The following HTT variants were observed in gnomAD, a reference collection of about 807,000 sequenced individuals.
HTT encodes huntingtin.
Under a neutral mutation model 362.3 loss-of-function variants are expected in HTT, and 104 were observed. That is an observed-to-expected ratio of 0.29 (90% confidence interval 0.24 to 0.34). HTT has a LOEUF of 0.34. Ranked by LOEUF, HTT falls within the 10% of genes least tolerant of loss-of-function variation. The pLI is 1.00. For missense variants in HTT, 3,301 were observed against 3,928.6 expected (o/e 0.84, Z 4.27); for synonymous variants, 1,577 against 1,548.7 (o/e 1.02, Z -0.43).
At chr4:3,221,268 G>C (rs1457246285) in intron 53 of HTT, among the ~76,000 whole-genome samples, 4 of 152,158 alleles carry the variant, frequency 2.6e-5, no homozygotes, top group Admixed American at 6.5e-5. Flanking sequence ...TGTCCAAAGA[G>C]AGCCCTGAGC....
intron 2 of HTT, among the ~76,000 whole-genome samples, chr4:3,089,221 T>A (rs1454344572): frequency 6.6e-6 from 1 of 152,192 alleles, no homozygotes; most frequent in Non-Finnish European, 1.5e-5. Context: ...GCGTATCCCA[T>A]TGCGATGCCC....
chr4:3,220,381 C>G, intron 53 of HTT, 73 bp downstream of exon 53: 1 of 1,437,862 alleles, frequency 7.0e-7, no homozygotes, highest in Non-Finnish European at 9.6e-7. Context: ...GCCCCCAGTA[C>G]TGGGATCTTC....
chr4:3,238,970 C>T lies in HTT; in HGVS notation c.9207C>T (p.Val3069=), dbSNP rs745832191. ...TCAGCGCGTCCACCAGCCCGTGGGT[C>T]GCGGCGATGTATCCTCTCTGGGTCC... ...FFVSASTSPW[V]AAILPHVISR... The change falls in exon 66 of 67, where the codon GTC becomes GTT. Residue 3069 remains valine, a synonymous_variant. Coordinates refer to ENST00000355072, the MANE Select transcript of HTT (RefSeq NM_001388492.1). The T allele has an allele frequency of 8.7e-6, 14 of 1,605,150 alleles. No homozygotes were observed. Among genetic ancestry groups the T allele is most frequent in the South Asian group, 6.7e-5 (6 of 89,792 alleles).
intron 3 of HTT, 59 bp downstream of exon 3, chr4:3,099,453 G>A (rs1397356071): frequency 1.9e-6 from 3 of 1,602,544 alleles, no homozygotes; most frequent in Non-Finnish European, 2.6e-6. Flanking sequence ...GCTGAGAGAA[G>A]AAGCGATCAT....
At position 3,082,886 on chromosome 4, in the gene HTT, C is replaced by G. The variant is rs112954656; in HGVS notation, c.264-4053C>G. On this transcript the variant is annotated intron_variant, in intron 1 of 66. Transcript: ENST00000355072. ...ACTCGCTTAGATGAACTGGAAGGAC[C>G]CTTTCATCTGAGCAGCCACTATGGA... Among the ~76,000 whole-genome samples the G allele has an allele frequency of 1.6e-3, 240 of 152,190 alleles. 1 individual carries two copies. Among genetic ancestry groups the G allele is most frequent in the African/African-American group, 5.6e-3 (231 of 41,506 alleles).
intron 10 of HTT, among the ~76,000 whole-genome samples, chr4:3,123,702 A>G (rs1478298529): frequency 6.6e-6 from 1 of 152,046 alleles, no homozygotes; most frequent in Non-Finnish European, 1.5e-5. Context: ...AAAAAAAAAA[A>G]GTTTCCTTTG....
intron 2 of HTT, among the ~76,000 whole-genome samples, chr4:3,090,105 TA>T (rs1350825165): frequency 6.6e-6 from 1 of 152,246 alleles, no homozygotes; most frequent in Non-Finnish European, 1.5e-5. Context: ...AAAATATAAT[TA>T]AACTTTTGGA....
At chr4:3,095,220 A>C (rs556024692) in intron 2 of HTT, among the ~76,000 whole-genome samples, 1 of 152,308 alleles carries the variant, frequency 6.6e-6, no homozygotes, top group Non-Finnish European at 1.5e-5. Context: ...ACGCCACTGC[A>C]CTCCAGCCTG....
intron 3 of HTT, among the ~76,000 whole-genome samples, chr4:3,102,049 G>T (rs966646632): frequency 6.6e-6 from 1 of 152,198 alleles, no homozygotes; most frequent in Admixed American, 6.5e-5. Context: ...GAGAATTAGG[G>T]GCTCTTGAAG....
Position 3,220,273 on chromosome 4 carries a change from T to G in HTT, c.7334T>G (p.Val2445Gly), listed in dbSNP as rs1325363472. Residue 2445 changes from valine to glycine, a missense_variant, in exon 53 of 67, where the codon GTC becomes GGC. By Grantham distance (109) the Val-to-Gly change is moderately radical. Around this residue, in one of 4 missense-constraint regions of HTT, gnomAD observed 753 missense variants for 1,021.3 expected, o/e 0.74. Transcript: ENST00000355072. ...GTGGAGTTCCTCCAGGAAAAGGAAG[T>G]CTTTAAGGAGTTCATCTACCGCATC... The part of the protein sequence containing the change: ...IPVEFLQEKE[V>G]FKEFIYRINT... 6.2e-7 allele frequency: 1 copy of G among 1,614,070 alleles called. No individual in the cohort carries two copies. The highest frequency in any genetic ancestry group is 1.1e-5 in the South Asian group (1 of 91,072).
chr4:3,176,184 C>T (rs1332527677), intron 33 of HTT, among the ~76,000 whole-genome samples: 4 of 151,984 alleles, frequency 2.6e-5, no homozygotes, highest in East Asian at 1.9e-4. Flanking sequence ...CCCACCACTA[C>T]GCCAGGCTAA....
chr4:3,132,715 T>G lies in HTT; in HGVS notation c.2390T>G (p.Leu797Arg). 6.2e-7 allele frequency: 1 copy of G among 1,614,212 alleles called. No individual in the cohort carries two copies. The highest frequency in any genetic ancestry group is 8.5e-7 in the Non-Finnish European group (1 of 1,179,992). ...VGDWMGTIRT[L>R]TGNTFSLADC... ...GATTGGATGGGCACCATTAGAACCC[T>G]CACAGGTAACGGCCAGTTTTTCAGC... The change falls in exon 17 of 67, where the codon CTC becomes CGC. Residue 797 changes from leucine to arginine, a missense_variant. Coordinates refer to ENST00000355072, the MANE Select transcript of HTT (RefSeq NM_001388492.1).
rs1715967596 is a variant in HTT at position 3,134,432 on chromosome 4, A to G, written c.2525A>G (p.Tyr842Cys). Residue 842 changes from tyrosine to cysteine, a missense_variant, in exon 19 of 67, where the codon TAC becomes TGC. By Grantham distance (194) the Tyr-to-Cys change is radical. Transcript: ENST00000355072. ...NCVMSLCSSS[Y>C]SELGLQLIID... ...GTCATGAGTCTCTGCAGCAGCAGCT[A>G]CAGTGAGTTAGGACTGCAGCTGATC... 1.9e-6 allele frequency: 3 copies of G among 1,613,770 alleles called. No homozygotes were observed. Among genetic ancestry groups the G allele is most frequent in the Non-Finnish European group, 2.5e-6 (3 of 1,179,778 alleles).
intron 1 of HTT, among the ~76,000 whole-genome samples, chr4:3,078,204 A>G (rs1325315761): frequency 6.6e-6 from 1 of 152,178 alleles, no homozygotes; most frequent in African/African-American, 2.4e-5. Context: ...TCAGATTCCT[A>G]TCTGGTGTTT....
Position 3,080,094 on chromosome 4 carries a change from T to G in HTT, c.263+5006T>G, listed in dbSNP as rs927185958. Among the ~76,000 whole-genome samples the G allele has an allele frequency of 5.9e-5, 9 of 152,056 alleles. No homozygotes were observed. The South Asian group carries it at 6.2e-4, about 10-fold the overall frequency. On this transcript the variant is annotated intron_variant, in intron 1 of 66. Coordinates refer to ENST00000355072, the MANE Select transcript of HTT (RefSeq NM_001388492.1). ...ACAATAAGTTAAGGAACCCAGGCTC[T>G]TTCTTTTTTTTTTTTTTGAAACGGA...
chr4:3,159,272 C>T (rs537052043), intron 28 of HTT, among the ~76,000 whole-genome samples: 1 of 152,300 alleles, frequency 6.6e-6, no homozygotes, highest in African/African-American at 2.4e-5. Flanking sequence ...CATCTTAATT[C>T]TCATCTCATG....
Position 3,233,020 on chromosome 4 carries a change from G to A in HTT, c.8266-143G>A, listed in dbSNP as rs1721335384. 16 of 628,764 alleles carry A rather than the reference G, an allele frequency of 2.5e-5. No homozygotes were observed. The South Asian group carries it at 3.9e-4, about 15-fold the overall frequency. The allele number at this position is 628,764 out of a possible 1,614,324, so 38.9% of individuals were successfully genotyped here. A position where few individuals can be genotyped will look rare whatever the true frequency, so the allele number is the denominator to read the frequency against. On this transcript the variant is annotated intron_variant, in intron 60 of 66. Coordinates refer to ENST00000355072, the MANE Select transcript of HTT (RefSeq NM_001388492.1). ...AGCCAGGGGCCAGCCTTGCACACAG[G>A]CCTCTCAGGATGGTCTCCGGCCTGC...
intron 21 of HTT, among the ~76,000 whole-genome samples, chr4:3,139,353 A>C (rs1716228253): frequency 6.6e-6 from 1 of 152,090 alleles, no homozygotes; most frequent in Non-Finnish European, 1.5e-5. Flanking sequence ...GTGTGCCACC[A>C]TGCCCGGCTA....
In HTT at chr4:3,074,935, A is replaced by AGCCGCCGCCGCC. The variant is rs765098132; in HGVS notation, c.110_111insGCCGCCGCCGCC (p.Gln37_Gln38insProProProPro). The AGCCGCCGCCGCC allele has an allele frequency of 8.2e-7, 1 of 1,219,896 alleles. No homozygotes were observed. The highest frequency in any genetic ancestry group is 1.1e-6 in the Non-Finnish European group (1 of 919,470). 75.6% of individuals were successfully genotyped at this position (1,219,896 alleles called of 1,614,324 possible). A position where few individuals can be genotyped will look rare whatever the true frequency, so the allele number is the denominator to read the frequency against. ...CAGCAGCAGCAGCAGCAGCAGCAGC[A>AGCCGCCGCCGCC]ACAGCCGCCACCGCCGCCGCCGCCG... On this transcript the variant is annotated inframe_insertion, in exon 1 of 67. Transcript: ENST00000355072.
Sources: allele counts gnomAD v4.1 joint callset (sites outside exome capture counted in the v4.1 genomes callset), GRCh38; gene constraint gnomAD v4.1.1; regional missense constraint gnomAD v4.1.1; transcripts MANE v1.5; gene names NCBI Gene and HGNC (gene_info 2026-07-23, HGNC 2026-07-21).